Variants in DSCAM observed in about 807,000 individuals in gnomAD.
DSCAM encodes DS cell adhesion molecule.
Under a neutral mutation model 217.7 loss-of-function variants are expected in DSCAM, and 47 were observed. The ratio of observed to expected loss-of-function variants is 0.22; its 90% CI spans 0.17 to 0.28. The LOEUF (loss-of-function observed/expected upper bound fraction) is 0.28, where lower values mean the gene tolerates loss of function less well. Among genes scored for constraint, DSCAM ranks in the 10% least tolerant of loss-of-function variants. The pLI is 1.00. For synonymous variants in DSCAM, 1,056 were observed against 1,015.3 expected (o/e 1.04, Z -0.76); for missense variants, 2,080 against 2,618.3 (o/e 0.79, Z 4.49).
At chr21:40,765,912 G>C (rs1196018936) in intron 1 of DSCAM, among the ~76,000 whole-genome samples, 1 of 152,182 alleles carries the variant, frequency 6.6e-6, no homozygotes, top group Non-Finnish European at 1.5e-5. Context: ...AGGAGAACGA[G>C]GAGCTGACCT....
At chr21:40,176,754 A>G (rs2090736790) in intron 15 of DSCAM, among the ~76,000 whole-genome samples, 1 of 152,188 alleles carries the variant, frequency 6.6e-6, no homozygotes, top group Non-Finnish European at 1.5e-5. Context: ...ACACCCAGAT[A>G]CAATACAAAA....
chr21:40,796,922 T>C (rs1246648584), intron 1 of DSCAM, among the ~76,000 whole-genome samples: 1 of 152,218 alleles, frequency 6.6e-6, no homozygotes, highest in East Asian at 1.9e-4. Flanking sequence ...TCCTTGTCTC[T>C]TGGAGATCAG....
intron 1 of DSCAM, among the ~76,000 whole-genome samples, chr21:40,744,001 A>G (rs2091150096): frequency 1.3e-5 from 2 of 152,192 alleles, no homozygotes. Flanking sequence ...AGAAGTGGAG[A>G]AACCCACTAG....
intron 3 of DSCAM, among the ~76,000 whole-genome samples, chr21:40,478,682 T>C (rs1847297724): frequency 6.6e-6 from 1 of 152,206 alleles, no homozygotes; most frequent in Non-Finnish European, 1.5e-5. Context: ...TTATTACTGC[T>C]ACTACCACAA....
chr21:40,048,832 G>A (rs962879440), intron 30 of DSCAM, among the ~76,000 whole-genome samples: 2 of 152,138 alleles, frequency 1.3e-5, no homozygotes, highest in Non-Finnish European at 2.9e-5. Flanking sequence ...AGAAGCTAGT[G>A]GGGGACTGTG....
intron 1 of DSCAM, among the ~76,000 whole-genome samples, chr21:40,780,157 A>C (rs1018479993): frequency 6.6e-6 from 1 of 152,168 alleles, no homozygotes; most frequent in African/African-American, 2.4e-5. Context: ...CTGCTTGTAA[A>C]TAGCAGAATC....
chr21:40,221,249 C>A (rs2091286834), intron 11 of DSCAM, among the ~76,000 whole-genome samples: 1 of 151,986 alleles, frequency 6.6e-6, no homozygotes. Flanking sequence ...CCCACCCATG[C>A]CACCACCACA....
intron 3 of DSCAM, among the ~76,000 whole-genome samples, chr21:40,605,602 C>T (rs375826426): frequency 6.6e-6 from 1 of 152,076 alleles, no homozygotes; most frequent in East Asian, 1.9e-4. Context: ...CGTCCCAATA[C>T]AGCTTCATTT....
chr21:40,093,843 G>A lies in DSCAM; in HGVS notation c.3728C>T (p.Ser1243Leu), dbSNP rs762143046. The A allele has an allele frequency of 5.0e-6, 8 of 1,613,872 alleles. No individual in the cohort carries two copies. Among genetic ancestry groups the A allele is most frequent in the South Asian group, 1.1e-5 (1 of 91,066 alleles). Residue 1243 changes from serine (S) to leucine (L), a missense_variant, in exon 21 of 33, where the codon TCG (serine) becomes TTG (leucine). Physicochemically the swap from Ser to Leu is moderately radical, Grantham distance 145. Coordinates refer to ENST00000400454, the MANE Select transcript of DSCAM (RefSeq NM_001389.5). ...CAGGTTGGGAATTCTGTAGGAAAAC[G>A]AGTCGGGAGAGGCCTCAAACTCGCT... Reference protein sequence around the residue: ...VISEFEASPDSFSYRIPNLSR... With the variant: ...VISEFEASPDLFSYRIPNLSR...
At chr21:40,626,353 C>T (rs1257963963) in intron 3 of DSCAM, among the ~76,000 whole-genome samples, 1 of 152,132 alleles carries the variant, frequency 6.6e-6, no homozygotes, top group Non-Finnish European at 1.5e-5. Flanking sequence ...CTTATGTAGA[C>T]ACCTGAAATA....
chr21:40,661,729 G>T (rs1233303673), intron 3 of DSCAM, among the ~76,000 whole-genome samples: 1 of 152,148 alleles, frequency 6.6e-6, no homozygotes, highest in African/African-American at 2.4e-5. Flanking sequence ...TTCAGGCAGG[G>T]AGAGCAGGAG....
At chr21:40,319,601 C>A (rs1182555276) in intron 8 of DSCAM, among the ~76,000 whole-genome samples, 1 of 152,146 alleles carries the variant, frequency 6.6e-6, no homozygotes, top group Non-Finnish European at 1.5e-5. Context: ...TGGATATACA[C>A]CCAGTAGTGG....
intron 18 of DSCAM, among the ~76,000 whole-genome samples, chr21:40,138,909 T>G (rs2090251996): frequency 7.1e-6 from 1 of 140,930 alleles, no homozygotes. Context: ...GTGGTGTGTG[T>G]GGTGTGTATG....
intron 15 of DSCAM, among the ~76,000 whole-genome samples, chr21:40,176,235 C>T (rs997093159): frequency 2.6e-5 from 4 of 152,068 alleles, no homozygotes; most frequent in Non-Finnish European, 5.9e-5. Flanking sequence ...AGAAGCACAA[C>T]AATAGGGGTC....
chr21:40,527,601 G>C (rs2076410248), intron 3 of DSCAM, among the ~76,000 whole-genome samples: 1 of 152,196 alleles, frequency 6.6e-6, no homozygotes. Context: ...GACAGCAGAA[G>C]AACCACCCAA....
chr21:40,064,394 T>G (rs1416866645), intron 27 of DSCAM, among the ~76,000 whole-genome samples: 1 of 152,130 alleles, frequency 6.6e-6, no homozygotes, highest in Non-Finnish European at 1.5e-5. Context: ...TAATCTCTCC[T>G]TTTCCTATTC....
intron 11 of DSCAM, among the ~76,000 whole-genome samples, chr21:40,209,943 A>G (rs1003812499): frequency 5.3e-5 from 8 of 152,162 alleles, no homozygotes; most frequent in Non-Finnish European, 8.8e-5. Flanking sequence ...TCTTCCTGCT[A>G]TTTACAGATT....
chr21:40,078,586 G>A (rs2089403339), intron 26 of DSCAM, 101 bp downstream of exon 26: 1 of 1,490,190 alleles, frequency 6.7e-7, no homozygotes, highest in Non-Finnish European at 9.0e-7. Flanking sequence ...GTGGGCACTG[G>A]TCAAACTATG....
At position 40,761,538 on chromosome 21, in the gene DSCAM, A is replaced by C. The variant is rs536217339; in HGVS notation, c.44-52767T>G. 1.3e-3 allele frequency among the ~76,000 whole-genome samples: 205 copies of C among 152,176 alleles called. 1 individual carries two copies. The highest frequency in any genetic ancestry group is 4.8e-3 in the African/African-American group (198 of 41,494). ...GAGGACTGGAACAGATCTTTCCCTC[A>C]CAGCTCTCAGAAAAAAAACAACCCT... On this transcript the variant is annotated intron_variant, in intron 1 of 32. Transcript: ENST00000400454.
Sources: gnomAD v4.1 joint callset for allele counts (sites outside exome capture counted in the v4.1 genomes callset) on GRCh38, gnomAD v4.1.1 for gene constraint, MANE v1.5 for transcripts, NCBI Gene and HGNC (gene_info 2026-07-23, HGNC 2026-07-21) for gene names.